TNPO3: variants seen among roughly 807,000 people sequenced by gnomAD.
TNPO3 encodes the protein transportin 3.
A neutral mutation model predicts 122.8 loss-of-function variants in TNPO3; 65 were observed. The observed-to-expected ratio is 0.53, with a 90% CI of 0.43 to 0.65. The LOEUF (loss-of-function observed/expected upper bound fraction) is 0.65. Ranked by LOEUF, TNPO3 falls within the 30% of genes least tolerant of loss-of-function variation. The pLI, the probability that TNPO3 is intolerant of heterozygous loss-of-function variation, is 0.00. For missense variants in TNPO3, 850 were observed against 1,136.7 expected, an observed-to-expected ratio of 0.75 and a Z score of 3.63; for synonymous variants, 372 against 411.2, an observed-to-expected ratio of 0.90 and a Z score of 1.15.
chr7:128,997,356 T>A, intron 8 of TNPO3, 33 bp downstream of exon 8: 1 of 1,607,116 alleles, frequency 6.2e-7, no homozygotes, highest in Non-Finnish European at 8.5e-7. Context: ...GAGGAAGAAA[T>A]TAAGATTTGA....
At chr7:128,958,841 AAAT>A (rs1214578806) in intron 21 of TNPO3, among the ~76,000 whole-genome samples, 1 of 152,160 alleles carries the variant, frequency 6.6e-6, no homozygotes, top group African/African-American at 2.4e-5. Context: ...CCGTCTCTAC[AAAT>A]AATTTAAAAC....
intron 1 of TNPO3, among the ~76,000 whole-genome samples, chr7:129,026,688 G>C (rs1805219160): frequency 6.6e-6 from 1 of 151,974 alleles, no homozygotes; most frequent in African/African-American, 2.4e-5. Context: ...ACAGGCATGA[G>C]CCACTGCACC....
intron 12 of TNPO3, among the ~76,000 whole-genome samples, chr7:128,984,660 TTC>T (rs902797127): frequency 3.9e-5 from 6 of 152,194 alleles, no homozygotes; most frequent in Non-Finnish European, 8.8e-5. Flanking sequence ...ACAAGAGAAA[TTC>T]TGACATAATG....
At chr7:129,054,194 T>C (rs1372710443) in intron 1 of TNPO3, among the ~76,000 whole-genome samples, 2 of 152,028 alleles carry the variant, frequency 1.3e-5, no homozygotes, top group African/African-American at 2.4e-5. Context: ...GGAGTGAAAA[T>C]AGGCAAAAAG....
intron 4 of TNPO3, among the ~76,000 whole-genome samples, chr7:129,008,233 G>C (rs1446434691): frequency 1.3e-5 from 2 of 151,702 alleles, no homozygotes; most frequent in Non-Finnish European, 2.9e-5. Flanking sequence ...AAAGTCATCA[G>C]AGCCTGCGTG....
intron 21 of TNPO3, 95 bp from the exon 22 acceptor site, chr7:128,957,410 C>T (rs1797004728): frequency 2.3e-6 from 3 of 1,278,076 alleles, no homozygotes; most frequent in Admixed American, 3.8e-5. Flanking sequence ...AGAACCGTCC[C>T]AACTCTGCTA....
At chr7:129,045,487 C>T (rs1807916948) in intron 1 of TNPO3, among the ~76,000 whole-genome samples, 2 of 150,554 alleles carry the variant, frequency 1.3e-5, no homozygotes, top group Admixed American at 1.3e-4. Flanking sequence ...CAGAACAAGA[C>T]CCTGTCTCAG....
chr7:128,955,729 C>A (rs1429420626), intron 22 of TNPO3, among the ~76,000 whole-genome samples: 2 of 152,180 alleles, frequency 1.3e-5, no homozygotes, highest in Non-Finnish European at 2.9e-5. Flanking sequence ...ATCCCACAGG[C>A]TTCATGTCGA....
intron 21 of TNPO3, among the ~76,000 whole-genome samples, chr7:128,957,841 T>C (rs528114730): frequency 6.6e-6 from 1 of 152,320 alleles, no homozygotes; most frequent in African/African-American, 2.4e-5. Flanking sequence ...CAGTCATTGA[T>C]TTTCTAGTTG....
chr7:128,961,203 T>C (rs1585319582), intron 21 of TNPO3, among the ~76,000 whole-genome samples: 1 of 152,224 alleles, frequency 6.6e-6, no homozygotes, highest in African/African-American at 2.4e-5. Context: ...CTGACTCACC[T>C]AGAACAACTT....
chr7:129,033,523 C>T (rs1806194167), intron 1 of TNPO3, among the ~76,000 whole-genome samples: 1 of 152,122 alleles, frequency 6.6e-6, no homozygotes, highest in Non-Finnish European at 1.5e-5. Flanking sequence ...GGTGTAGCTA[C>T]TATGGAAAAG....
Position 128,982,240 on chromosome 7 carries a change from T to C in TNPO3, c.1859+8A>G. The C allele has an allele frequency of 6.2e-7, 1 of 1,611,774 alleles. No individual in the cohort carries two copies. The highest frequency in any genetic ancestry group is 8.5e-7 in the Non-Finnish European group (1 of 1,178,412). On this transcript the variant is annotated splice_region_variant and intron_variant, in intron 14 of 22. Coordinates refer to ENST00000265388, the MANE Select transcript of TNPO3 (RefSeq NM_012470.4). ...CCCAAGTAAGGCATCCAGAGTCTCC[T>C]TTCTTACCTAAATATCACTGCAAGG... is the stretch of plus-strand genomic sequence containing the variant.
intron 1 of TNPO3, among the ~76,000 whole-genome samples, chr7:129,043,652 AAAT>A (rs1489032712): frequency 2.0e-5 from 3 of 152,214 alleles, no homozygotes; most frequent in Non-Finnish European, 2.9e-5. Flanking sequence ...TCCCTATCCA[AAAT>A]AATAATCCTC....
chr7:128,984,452 G>A (rs1563093478), intron 12 of TNPO3, among the ~76,000 whole-genome samples, 193 bp from the exon 13 acceptor site: 1 of 152,190 alleles, frequency 6.6e-6, no homozygotes, highest in East Asian at 1.9e-4. Context: ...ATTGGGCTCA[G>A]AAGGCTAAGA....
At chr7:128,992,205 CCT>C in intron 9 of TNPO3, 115 bp from the exon 10 acceptor site, 3 of 548,206 alleles carry the variant, frequency 5.5e-6, no homozygotes, top group Non-Finnish European at 9.7e-6. Flanking sequence ...AATCTAATTA[CCT>C]CTCAAGCCAG....
intron 7 of TNPO3, among the ~76,000 whole-genome samples, chr7:128,998,068 G>C: frequency 7.1e-6 from 1 of 141,688 alleles, no homozygotes; most frequent in East Asian, 2.1e-4. Context: ...GGATGGTTTT[G>C]AACTCCTGCC....
intron 1 of TNPO3, chr7:129,030,431 C>A: frequency 6.3e-6 from 1 of 157,614 alleles, no homozygotes; most frequent in Non-Finnish European, 1.4e-5. Context: ...ATCTCCCACC[C>A]CAAGTAGAGG....
intron 21 of TNPO3, among the ~76,000 whole-genome samples, chr7:128,960,317 G>GTA (rs2128979233): frequency 6.6e-6 from 1 of 151,912 alleles, no homozygotes; most frequent in African/African-American, 2.4e-5. Flanking sequence ...TTAATTTAGA[G>GTA]TATATTCCTT....
chr7:128,973,653 G>A (rs373685464), intron 18 of TNPO3, among the ~76,000 whole-genome samples: 11 of 134,190 alleles, frequency 8.2e-5, no homozygotes, highest in East Asian at 2.5e-4. Flanking sequence ...GGAGAATGGC[G>A]TGAACCCAGG....
Sources: gnomAD v4.1 joint callset for allele counts (sites outside exome capture counted in the v4.1 genomes callset) on GRCh38, gnomAD v4.1.1 for gene constraint, MANE v1.5 for transcripts, NCBI Gene and HGNC (gene_info 2026-07-23, HGNC 2026-07-21) for gene names.